The following HIVEP2 variants were observed in gnomAD, a reference collection of about 807,000 sequenced individuals.
The protein encoded by HIVEP2 is transcription factor HIVEP2.
In HIVEP2, 14 loss-of-function variants were observed where a neutral mutation model predicts 180.7. The observed-to-expected ratio is 0.08, with a 90% CI of 0.05 to 0.12. HIVEP2 has a LOEUF of 0.12. Among genes scored for constraint, HIVEP2 ranks in the 10% least tolerant of loss-of-function variants. HIVEP2 has a pLI of 1.00. For synonymous variants in HIVEP2, 1,184 were observed against 1,136.4 expected, an observed-to-expected ratio of 1.04 and a Z score of -0.84; for missense variants, 2,579 against 3,008.5, an observed-to-expected ratio of 0.86 and a Z score of 3.34.
In HIVEP2 at chr6:142,942,635, G is replaced by C. The variant is rs75966658; in HGVS notation, c.-641+2464C>G. Among the ~76,000 whole-genome samples the C allele has an allele frequency of 3.5e-3, 534 of 152,278 alleles. 6 individuals carry two copies. The highest frequency in any genetic ancestry group is 0.012 in the African/African-American group (479 of 41,560). On this transcript the variant is annotated intron_variant, in intron 1 of 9. Coordinates refer to ENST00000367603, the MANE Select transcript of HIVEP2 (RefSeq NM_006734.4). The stretch of plus-strand genomic sequence containing the variant: ...CCATGTTAAATAGGAATATAGAAAT[G>C]TTTTATGTACTTTAGTGGTATTTTA...
At chr6:142,889,159 G>A (rs907631658) in intron 1 of HIVEP2, among the ~76,000 whole-genome samples, 4 of 152,166 alleles carry the variant, frequency 2.6e-5, no homozygotes, top group Non-Finnish European at 4.4e-5. Flanking sequence ...TGAATGACAG[G>A]ACACTGCATT....
chr6:142,831,286 T>C (rs1775072883), intron 2 of HIVEP2, among the ~76,000 whole-genome samples: 1 of 152,194 alleles, frequency 6.6e-6, no homozygotes, highest in Non-Finnish European at 1.5e-5. Flanking sequence ...TGCGATGCAG[T>C]GCCTTCATCT....
chr6:142,808,576 G>A (rs1170305176), intron 2 of HIVEP2, among the ~76,000 whole-genome samples: 1 of 151,258 alleles, frequency 6.6e-6, no homozygotes, highest in Non-Finnish European at 1.5e-5. Flanking sequence ...GATGGGGGAG[G>A]GATGGACGGA....
intron 2 of HIVEP2, among the ~76,000 whole-genome samples, chr6:142,829,467 C>A (rs373258019): frequency 1.3e-5 from 2 of 152,160 alleles, no homozygotes; most frequent in African/African-American, 2.4e-5. Context: ...AAAATTGATA[C>A]GATTTCTTTC....
At chr6:142,845,141 A>C (rs1299040508) in intron 1 of HIVEP2, among the ~76,000 whole-genome samples, 4 of 152,386 alleles carry the variant, frequency 2.6e-5, no homozygotes, top group Middle Eastern at 3.4e-3. Context: ...AAAACAAACA[A>C]AAATCTTGGG....
At position 142,772,365 on chromosome 6, in the gene HIVEP2, T is replaced by G. The variant is rs764777698; in HGVS notation, c.2374A>C (p.Arg792=). The part of the protein sequence containing the change: ...DSDKMSDLGG[R]KPPGNVISVI... The stretch of plus-strand genomic sequence containing the variant: ...GAAATCACATTTCCAGGAGGTTTCC[T>G]GCCCCCTAGGTCTGACATCTTGTCT... Residue 792 remains arginine, a synonymous_variant, in exon 5 of 10, where the codon AGG becomes CGG. Transcript: ENST00000367603. This position sits in a 1 kb window ranked among gnomAD's most constrained non-coding sequence, Gnocchi z 4.9. 6.2e-7 allele frequency: 1 copy of G among 1,614,262 alleles called. No homozygotes were observed. Among genetic ancestry groups the G allele is most frequent in the Non-Finnish European group, 8.5e-7 (1 of 1,180,046 alleles).
chr6:142,847,433 A>G (rs1462423070), intron 1 of HIVEP2, among the ~76,000 whole-genome samples: 1 of 152,046 alleles, frequency 6.6e-6, no homozygotes, highest in East Asian at 1.9e-4. Context: ...AGAAAAAAAA[A>G]AGACGAAAAA....
chr6:142,758,942 C>T (rs1775148274), intron 9 of HIVEP2, among the ~76,000 whole-genome samples: 1 of 152,112 alleles, frequency 6.6e-6, no homozygotes, highest in African/African-American at 2.4e-5. Context: ...TCATTCTCTC[C>T]TCTCCCTGGC....
chr6:142,821,619 AT>A (rs1777041718), intron 2 of HIVEP2, among the ~76,000 whole-genome samples: 1 of 152,178 alleles, frequency 6.6e-6, no homozygotes, highest in African/African-American at 2.4e-5. Flanking sequence ...TTAACTGTAT[AT>A]TTTTCTGTTG....
intron 1 of HIVEP2, among the ~76,000 whole-genome samples, chr6:142,873,079 G>A (rs1204470752): frequency 1.3e-5 from 2 of 152,112 alleles, no homozygotes; most frequent in African/African-American, 4.8e-5. Context: ...GCATTACACA[G>A]CAACCCTTTT....
At chr6:142,799,042 T>A (rs1486661263) in intron 2 of HIVEP2, among the ~76,000 whole-genome samples, 1 of 152,176 alleles carries the variant, frequency 6.6e-6, no homozygotes, top group Non-Finnish European at 1.5e-5. Flanking sequence ...CAAGTGACCA[T>A]AAGTTGAAAA....
intron 2 of HIVEP2, among the ~76,000 whole-genome samples, chr6:142,805,881 G>T (rs1173435139): frequency 6.6e-6 from 1 of 152,138 alleles, no homozygotes; most frequent in Non-Finnish European, 1.5e-5. Context: ...CCAAGTGTCA[G>T]ATGTTTTGCC....
chr6:142,941,050 T>C (rs1778165406), intron 1 of HIVEP2, among the ~76,000 whole-genome samples: 1 of 152,190 alleles, frequency 6.6e-6, no homozygotes, highest in African/African-American at 2.4e-5. Flanking sequence ...AATCACGTCA[T>C]AGAAAATACC....
Position 142,770,859 on chromosome 6 carries a change from G to T in HIVEP2, c.3880C>A (p.Leu1294Ile). Reference protein sequence around the residue: ...GASGLHPKNLLPKFPSDQSSK... With the variant: ...GASGLHPKNLIPKFPSDQSSK... ...CTCTGGTCTGATGGAAACTTTGGAA[G>T]AAGGTTCTTTGGGTGTAGCCCTGAT... The change falls in exon 5 of 10, where the codon CTT (leucine) becomes ATT (isoleucine). Residue 1294 changes from leucine to isoleucine, a missense_variant. Around this residue, in one of 11 missense-constraint regions of HIVEP2, gnomAD observed 523 missense variants for 577.0 expected, o/e 0.91. Coordinates refer to ENST00000367603, the MANE Select transcript of HIVEP2 (RefSeq NM_006734.4). The surrounding 1 kb of genome is among the most constrained non-coding windows in gnomAD (Gnocchi z 4.7). 1 of 1,614,224 alleles carries T rather than the reference G, an allele frequency of 6.2e-7. No individual in the cohort carries two copies. The highest frequency in any genetic ancestry group is 1.3e-5 in the African/African-American group (1 of 75,062).
intron 1 of HIVEP2, among the ~76,000 whole-genome samples, chr6:142,893,040 C>T (rs1280954366): frequency 6.6e-6 from 1 of 152,166 alleles, no homozygotes; most frequent in Non-Finnish European, 1.5e-5. Context: ...AGCAAATATC[C>T]CACTCAATAA....
In HIVEP2 at chr6:142,751,564, A is replaced by G. The variant is rs1278884515; in HGVS notation, c.*1543T>C. 1 of 152,706 alleles carries G rather than the reference A, an allele frequency of 6.5e-6. No individual in the cohort carries two copies. The highest frequency in any genetic ancestry group is 6.5e-5 in the Admixed American group (1 of 15,292). 9.5% of individuals were successfully genotyped at this position (152,706 alleles called of 1,614,324 possible). The stretch of plus-strand genomic sequence containing the variant: ...GTTTCACAGAATTATAATCCACTAT[A>G]TAGCACAAAGATAACCCAGATTGTA... On this transcript the variant is annotated 3_prime_UTR_variant, in exon 10 of 10. Transcript: ENST00000367603.
intron 1 of HIVEP2, among the ~76,000 whole-genome samples, chr6:142,944,302 GC>G (rs1778248123): frequency 6.6e-6 from 1 of 151,342 alleles, no homozygotes; most frequent in African/African-American, 2.4e-5. Flanking sequence ...GGAGGCACAT[GC>G]GTATAAAGCG....
intron 8 of HIVEP2, 70 bp downstream of exon 8, chr6:142,761,394 T>G: frequency 1.4e-6 from 1 of 727,358 alleles, no homozygotes; most frequent in South Asian, 1.7e-5. Context: ...AAACTTATTT[T>G]ACTACCTCAG....
Position 142,862,458 on chromosome 6 carries a change from T to C in HIVEP2, c.-640-25411A>G, listed in dbSNP as rs5022325. On this transcript the variant is annotated intron_variant, in intron 1 of 9. Coordinates refer to ENST00000367603, the MANE Select transcript of HIVEP2 (RefSeq NM_006734.4). ...ATTTTATAATACATATAATCGATTA[T>C]ATGTATCATATATTTTATAATACAT... is the stretch of plus-strand genomic sequence containing the variant. Among the ~76,000 whole-genome samples, 166 of 78,502 alleles carry C rather than the reference T, an allele frequency of 2.1e-3. 1 individual carries two copies. The highest frequency in any genetic ancestry group is 9.4e-3 in the African/African-American group (146 of 15,568). 51.5% of individuals were successfully genotyped at this position (78,502 alleles called of 152,430 possible). A position where few individuals can be genotyped will look rare whatever the true frequency, so the allele number is the denominator to read the frequency against.
Sources: gnomAD v4.1 joint callset for allele counts (sites outside exome capture counted in the v4.1 genomes callset) on GRCh38, gnomAD v4.1.1 for gene constraint, gnomAD v4.1.1 regional missense constraint, Gnocchi (gnomAD v3.1) non-coding constraint, MANE v1.5 for transcripts, NCBI Gene and HGNC (gene_info 2026-07-23, HGNC 2026-07-21) for gene names.